Variants in EPS15 observed in about 807,000 individuals in gnomAD.
EPS15 encodes epidermal growth factor receptor pathway substrate 15.
Under a neutral mutation model 113.8 loss-of-function variants are expected in EPS15, and 72 were observed. That is an observed-to-expected ratio of 0.63 (90% CI 0.52 to 0.77). The LOEUF (loss-of-function observed/expected upper bound fraction) is 0.77, where lower values mean the gene tolerates loss of function less well. Among genes scored for constraint, EPS15 ranks in the 30% least tolerant of loss-of-function variants. The probability of loss-of-function intolerance (pLI) is 0.00; values close to 1 mark genes in which losing one functional copy is unlikely to be tolerated. For missense variants in EPS15, 1,048 were observed against 1,045.8 expected (o/e 1.00, Z -0.03); for synonymous variants, 344 against 363.4 (o/e 0.95, Z 0.61).
At position 51,359,783 on chromosome 1, in the gene EPS15, C is replaced by T. The variant is rs11205838; in HGVS notation, c.2544+1388G>A. On this transcript the variant is annotated intron_variant, in intron 24 of 24. Coordinates refer to ENST00000371733, the MANE Select transcript of EPS15 (RefSeq NM_001981.3). ...AAAAAAAATCAGTATAATTCTGGCA[C>T]TCCATTTTTACAATATTCAAAATAT... Among the ~76,000 whole-genome samples the T allele has an allele frequency of 6.0e-3, 906 of 152,048 alleles. 9 individuals carry two copies. Among genetic ancestry groups the T allele is most frequent in the African/African-American group, 0.021 (873 of 41,472 alleles).
At chr1:51,373,108 G>A (rs1646701339) in intron 21 of EPS15, 1 of 174,822 alleles carries the variant, frequency 5.7e-6, no homozygotes, top group South Asian at 1.7e-4. Context: ...TCAGGATGTA[G>A]AGAAGAAAGA....
chr1:51,488,486 A>AAAAAAAC (rs1553135699), intron 1 of EPS15, among the ~76,000 whole-genome samples: 1 of 150,568 alleles, frequency 6.6e-6, no homozygotes, highest in Non-Finnish European at 1.5e-5. Flanking sequence ...AAAAAAAAAA[A>AAAAAAAC]AAAAAAAAAA....
At chr1:51,412,080 C>T (rs1649772928) in intron 13 of EPS15, among the ~76,000 whole-genome samples, 1 of 152,130 alleles carries the variant, frequency 6.6e-6, no homozygotes, top group African/African-American at 2.4e-5. Context: ...AGCTGGAAAC[C>T]ATCATTCTCA....
intron 12 of EPS15, among the ~76,000 whole-genome samples, chr1:51,439,278 G>C (rs1652397698): frequency 6.6e-6 from 1 of 152,044 alleles, no homozygotes; most frequent in South Asian, 2.1e-4. Context: ...CTCTTAGTTT[G>C]GGTTTAGTTC....
rs1225144519 is a variant in EPS15, at chr1:51,454,980, G to T, written c.561+6111C>A. 2.6e-5 allele frequency among the ~76,000 whole-genome samples: 4 copies of T among 151,544 alleles called. No homozygotes were observed. In the East Asian group the frequency reaches 7.7e-4, roughly 29 times the overall value. On this transcript the variant is annotated intron_variant, in intron 8 of 24. Coordinates refer to ENST00000371733, the MANE Select transcript of EPS15 (RefSeq NM_001981.3). ...GACTCTAGAAGGCTCAGGTTAGCCT[G>T]GGTTGTAAGCCAGGAACTGCTGTGC... is the stretch of plus-strand genomic sequence containing the variant.
intron 12 of EPS15, among the ~76,000 whole-genome samples, chr1:51,437,315 T>C (rs1411723734): frequency 6.6e-6 from 1 of 152,074 alleles, no homozygotes; most frequent in African/African-American, 2.4e-5. Context: ...TTCTAAGAAA[T>C]ATATTCCTTT....
At chr1:51,489,601 AGTC>A in intron 1 of EPS15, among the ~76,000 whole-genome samples, 1 of 152,042 alleles carries the variant, frequency 6.6e-6, no homozygotes, top group South Asian at 2.1e-4. Flanking sequence ...TATAATTCCC[AGTC>A]GTCTGTTTCC....
At chr1:51,420,241 A>G (rs770323383) in intron 13 of EPS15, among the ~76,000 whole-genome samples, 3 of 152,170 alleles carry the variant, frequency 2.0e-5, no homozygotes, top group East Asian at 1.9e-4. Context: ...CAAAACTTCT[A>G]TAATTATAAG....
intron 12 of EPS15, among the ~76,000 whole-genome samples, chr1:51,433,292 G>C (rs1359394593): frequency 1.3e-5 from 2 of 152,142 alleles, no homozygotes; most frequent in African/African-American, 4.8e-5. Context: ...CTCGGTGTTG[G>C]GGATGATGAT....
intron 13 of EPS15, among the ~76,000 whole-genome samples, chr1:51,416,426 T>A (rs1251753616): frequency 6.6e-6 from 1 of 152,212 alleles, no homozygotes; most frequent in South Asian, 2.1e-4. Context: ...AGCAATATAG[T>A]GCCAAGGTTT....
intron 1 of EPS15, among the ~76,000 whole-genome samples, chr1:51,486,733 C>T (rs1033349479): frequency 1.3e-5 from 2 of 151,890 alleles, no homozygotes; most frequent in African/African-American, 4.8e-5. Context: ...GGCTGGAGTA[C>T]AGTGGCATGA....
Position 51,356,591 on chromosome 1 carries a change from C to A in EPS15, c.*109G>T. 1 of 921,904 alleles carries A rather than the reference C, an allele frequency of 1.1e-6. No individual in the cohort carries two copies. Among genetic ancestry groups the A allele is most frequent in the South Asian group, 2.3e-5 (1 of 43,022 alleles). The allele number at this position is 921,904 out of a possible 1,614,324, so 57.1% of individuals were successfully genotyped here. ...AATTTTGTCACATTTACAGGAATCT[C>A]AAACCTTTTGTATTCCCATGCTCAC... On this transcript the variant is annotated 3_prime_UTR_variant, in exon 25 of 25. Coordinates refer to ENST00000371733, the MANE Select transcript of EPS15 (RefSeq NM_001981.3).
chr1:51,494,561 T>C (rs1343234436), intron 1 of EPS15, among the ~76,000 whole-genome samples: 1 of 152,214 alleles, frequency 6.6e-6, no homozygotes, highest in Non-Finnish European at 1.5e-5. Context: ...CTCAACAAGG[T>C]AGACCACTAT....
At chr1:51,372,025 A>C (rs72694143) in intron 21 of EPS15, among the ~76,000 whole-genome samples, 4,581 of 152,352 alleles carry the variant, frequency 0.03, 74 homozygotes, top group African/African-American at 0.05. Context: ...CGAATAGCCT[A>C]GGTTGTGTAG....
At chr1:51,405,790 T>A (rs772307960) in intron 16 of EPS15, 115 bp downstream of exon 16, 6 of 800,786 alleles carry the variant, frequency 7.5e-6, no homozygotes, top group Non-Finnish European at 1.3e-5. Flanking sequence ...AAAAAGGAAA[T>A]CTCAATTGTC....
rs1228381968 is a variant in EPS15, at chr1:51,449,754, G to GGGGT, written c.562-1623_562-1620dup. 4.9e-4 allele frequency among the ~76,000 whole-genome samples: 75 copies of GGGGT among 151,790 alleles called. 3 individuals carry two copies. The highest frequency in any genetic ancestry group is 1.7e-3 in the African/African-American group (71 of 41,104). On this transcript the variant is annotated intron_variant, in intron 8 of 24. Transcript: ENST00000371733. The stretch of plus-strand genomic sequence containing the variant: ...AGGGTTTTTCAGACAGTTTGGGGAA[G>GGGGT]GGGTGGGGGTGGCTAGGCAATGGGT...
At chr1:51,452,270 A>G (rs1414205321) in intron 8 of EPS15, among the ~76,000 whole-genome samples, 2 of 145,220 alleles carry the variant, frequency 1.4e-5, no homozygotes, top group Admixed American at 1.3e-4. Context: ...TTATATATTT[A>G]TTTAATTTGT....
intron 21 of EPS15, among the ~76,000 whole-genome samples, chr1:51,380,179 G>A (rs544567248): frequency 1.3e-5 from 2 of 151,690 alleles, no homozygotes; most frequent in Admixed American, 6.6e-5. Flanking sequence ...AGCCGAGACT[G>A]CGTCACTGCA....
At chr1:51,418,059 T>C (rs912330081) in intron 13 of EPS15, among the ~76,000 whole-genome samples, 5 of 152,136 alleles carry the variant, frequency 3.3e-5, no homozygotes. Flanking sequence ...CAGGTGGCAG[T>C]AGTGAGAAAG....
Sources: gnomAD v4.1 joint callset for allele counts (sites outside exome capture counted in the v4.1 genomes callset) on GRCh38, gnomAD v4.1.1 for gene constraint, MANE v1.5 for transcripts, NCBI Gene and HGNC (gene_info 2026-07-23, HGNC 2026-07-21) for gene names.